Variants in NEMP2 observed in about 807,000 individuals in gnomAD.
NEMP2 encodes the protein UPF0571 transmembrane protein.
A neutral mutation model predicts 54.2 loss-of-function variants in NEMP2; 53 were observed. The observed-to-expected ratio is 0.98, with a 90% CI of 0.78 to 1.23. The LOEUF is 1.23. Among genes scored for constraint, NEMP2 ranks in the 50% most tolerant of loss-of-function variants. NEMP2 has a pLI of 0.00. For missense variants in NEMP2, 455 were observed against 511.3 expected, an observed-to-expected ratio of 0.89 and a Z score of 1.06; for synonymous variants, 197 against 190.3, an observed-to-expected ratio of 1.04 and a Z score of -0.29.
the NEMP2 span, among the ~76,000 whole-genome samples, chr2:190,478,163 G>T: frequency 6.6e-6 from 1 of 152,166 alleles, no homozygotes; most frequent in Non-Finnish European, 1.5e-5. Context: ...GCTTCCTAGG[G>T]CAGGCTACGA....
At position 190,525,241 on chromosome 2, in the gene NEMP2, T is replaced by G; in HGVS notation, c.213+22A>C. On this transcript the variant is annotated intron_variant, in intron 2 of 8. Coordinates refer to ENST00000409150, the MANE Select transcript of NEMP2 (RefSeq NM_001142645.2). This position sits in a 1 kb window ranked among gnomAD's most constrained non-coding sequence, Gnocchi z 5.0. ...ATGGTAATTCTCTGTCCCTAAGACA[T>G]GAGTTAAAAGTAGGCCCTTACCTGC... 1 of 1,279,226 alleles carries G rather than the reference T, an allele frequency of 7.8e-7. No homozygotes were observed. Among genetic ancestry groups the G allele is most frequent in the Non-Finnish European group, 1.1e-6 (1 of 903,060 alleles). The allele number at this position is 1,279,226 out of a possible 1,614,324, so 79.2% of individuals were successfully genotyped here.
the NEMP2 span, among the ~76,000 whole-genome samples, chr2:190,447,861 A>G: frequency 6.6e-6 from 1 of 152,232 alleles, no homozygotes; most frequent in South Asian, 2.1e-4. The surrounding 1 kb of genome is among the most constrained non-coding windows in gnomAD (Gnocchi z 4.5). Context: ...TCCCTTGAAA[A>G]GAACATCTTT....
chr2:190,432,840 A>ACT, the NEMP2 span, among the ~76,000 whole-genome samples: 8 of 136,952 alleles, frequency 5.8e-5, no homozygotes, highest in South Asian at 5.0e-4. Context: ...ACACACACAC[A>ACT]CTCTCTCTCT....
chr2:190,581,856 T>G, the NEMP2 span, among the ~76,000 whole-genome samples: 4 of 152,120 alleles, frequency 2.6e-5, no homozygotes, highest in Non-Finnish European at 5.9e-5. Flanking sequence ...GTTTTAGGAA[T>G]TTTGCAATTC....
chr2:190,515,644 T>C (rs911483034), intron 6 of NEMP2, among the ~76,000 whole-genome samples: 1 of 152,218 alleles, frequency 6.6e-6, no homozygotes, highest in African/African-American at 2.4e-5. Context: ...GCTAAAAATA[T>C]ACAATTTTCA....
the NEMP2 span, among the ~76,000 whole-genome samples, chr2:190,579,516 GA>G: frequency 6.6e-6 from 1 of 152,016 alleles, no homozygotes; most frequent in Admixed American, 6.6e-5. Flanking sequence ...ATGATTCTAG[GA>G]CTATAGTGTG....
the NEMP2 span, chr2:190,437,160 T>C: frequency 6.2e-7 from 1 of 1,614,246 alleles, no homozygotes; most frequent in South Asian, 1.1e-5. The surrounding 1 kb of genome is among the most constrained non-coding windows in gnomAD (Gnocchi z 5.9). Flanking sequence ...TCTTCGGCGT[T>C]CTCATGACCA....
the NEMP2 span, among the ~76,000 whole-genome samples, chr2:190,581,945 C>T: frequency 6.6e-6 from 1 of 152,058 alleles, no homozygotes; most frequent in African/African-American, 2.4e-5. Flanking sequence ...TGCTATAAAT[C>T]GGGGATTCCC....
intron 1 of NEMP2, 153 bp downstream of exon 1, chr2:190,534,406 G>A: frequency 8.2e-7 from 1 of 1,213,158 alleles, no homozygotes; most frequent in Non-Finnish European, 1.0e-6. Flanking sequence ...GGGCGGGCGG[G>A]GCCTGCCCGG....
At chr2:190,428,394 T>G in the NEMP2 span, among the ~76,000 whole-genome samples, 1 of 152,194 alleles carries the variant, frequency 6.6e-6, no homozygotes, top group South Asian at 2.1e-4. Flanking sequence ...TTTAAAGTAG[T>G]GTATCAATTT....
At chr2:190,466,301 A>G in the NEMP2 span, among the ~76,000 whole-genome samples, 133,902 of 152,250 alleles carry the variant, frequency 0.88, 59,701 homozygotes, top group East Asian at 1. Context: ...ATAACAGTGC[A>G]TACTATGGCA....
In NEMP2 at chr2:190,510,644, G is replaced by A. The variant is rs893799191; in HGVS notation, c.954-107C>T. On this transcript the variant is annotated intron_variant, in intron 7 of 8. Transcript: ENST00000409150. The surrounding 1 kb of genome is among the most constrained non-coding windows in gnomAD (Gnocchi z 5.7). ...ACGCCTGTAATCCAGCATTTTGGGA[G>A]GCCTGGGGAGGCGGATCACGAGGTC... The A allele has an allele frequency of 1.8e-6, 2 of 1,122,408 alleles. No homozygotes were observed. The highest frequency in any genetic ancestry group is 2.6e-6 in the Non-Finnish European group (2 of 780,072). 69.5% of individuals were successfully genotyped at this position (1,122,408 alleles called of 1,614,324 possible).
At chr2:190,423,462 G>A in the NEMP2 span, among the ~76,000 whole-genome samples, 158 of 152,174 alleles carry the variant, frequency 1.0e-3, no homozygotes, top group Non-Finnish European at 1.8e-3. This position sits in a 1 kb window ranked among gnomAD's most constrained non-coding sequence, Gnocchi z 4.3. Flanking sequence ...TGTATCAATC[G>A]TTTGCTCCTT....
At chr2:190,603,312 T>C in the NEMP2 span, among the ~76,000 whole-genome samples, 1 of 152,122 alleles carries the variant, frequency 6.6e-6, no homozygotes, top group Non-Finnish European at 1.5e-5. Context: ...ATGCTTCTTA[T>C]TTAAAATTAA....
At chr2:190,628,563 G>C in the NEMP2 span, 1 of 152,178 alleles carries the variant, frequency 6.6e-6, no homozygotes, top group Non-Finnish European at 1.5e-5. This position sits in a 1 kb window ranked among gnomAD's most constrained non-coding sequence, Gnocchi z 4.1. Context: ...CCTAAGCTGG[G>C]CCCATCAGAA....
chr2:190,464,819 T>G, the NEMP2 span: 8 of 671,912 alleles, frequency 1.2e-5, no homozygotes, highest in Admixed American at 4.9e-4. Flanking sequence ...TCATTTTTAC[T>G]CCCCTCACAG....
At chr2:190,431,007 C>T in the NEMP2 span, among the ~76,000 whole-genome samples, 3 of 110,922 alleles carry the variant, frequency 2.7e-5, no homozygotes, top group Middle Eastern at 6.4e-3. This position sits in a 1 kb window ranked among gnomAD's most constrained non-coding sequence, Gnocchi z 4.4. Context: ...TGGGCAGAGA[C>T]GCTCCTCACC....
chr2:190,435,823 C>A, the NEMP2 span: 2 of 625,618 alleles, frequency 3.2e-6, no homozygotes, highest in African/African-American at 3.7e-5. Context: ...TTTTTCCTTA[C>A]CGGTATTGTG....
chr2:190,611,767 T>C, the NEMP2 span, among the ~76,000 whole-genome samples: 1 of 152,364 alleles, frequency 6.6e-6, no homozygotes, highest in African/African-American at 2.4e-5. The surrounding 1 kb of genome is among the most constrained non-coding windows in gnomAD (Gnocchi z 5.4). Flanking sequence ...ACACCTTGCA[T>C]GTAAACTGTT....
Sources: gnomAD v4.1 joint callset for allele counts (sites outside exome capture counted in the v4.1 genomes callset) on GRCh38, gnomAD v4.1.1 for gene constraint, Gnocchi (gnomAD v3.1) non-coding constraint, MANE v1.5 for transcripts, NCBI Gene and HGNC (gene_info 2026-07-23, HGNC 2026-07-21) for gene names.